ATP8A2: variants seen among roughly 807,000 people sequenced by gnomAD.
The protein encoded by ATP8A2 is ATPase phospholipid transporting 8A2.
ATP8A2 carries 100 observed loss-of-function variants against 165.6 expected under a neutral mutation model. The observed-to-expected ratio is 0.60, with a 90% CI of 0.51 to 0.71. The LOEUF (loss-of-function observed/expected upper bound fraction) is 0.71. Among genes scored for constraint, ATP8A2 ranks in the 30% least tolerant of loss-of-function variants. ATP8A2 has a pLI of 0.00. For missense variants in ATP8A2, 1,227 were observed against 1,479.5 expected, an observed-to-expected ratio of 0.83 and a Z score of 2.80; for synonymous variants, 543 against 548.8, an observed-to-expected ratio of 0.99 and a Z score of 0.15.
chr13:25,615,081 G>T (rs1433838554), intron 24 of ATP8A2, among the ~76,000 whole-genome samples: 1 of 152,194 alleles, frequency 6.6e-6, no homozygotes, highest in East Asian at 1.9e-4. Context: ...CAGGCAGTGG[G>T]CAGGGCCATA....
chr13:25,613,282 G>A (rs1412473457), intron 24 of ATP8A2, among the ~76,000 whole-genome samples: 3 of 152,112 alleles, frequency 2.0e-5, no homozygotes, highest in Non-Finnish European at 4.4e-5. Context: ...AAGATTTAGA[G>A]CTTCTTTTAG....
At chr13:25,434,592 G>T (rs187861922) in intron 1 of ATP8A2, among the ~76,000 whole-genome samples, 3 of 152,092 alleles carry the variant, frequency 2.0e-5, no homozygotes, top group East Asian at 3.9e-4. Context: ...CAAGTGATCC[G>T]CCTGCTTCGG....
At chr13:25,572,072 A>G (rs748244198) in intron 18 of ATP8A2, among the ~76,000 whole-genome samples, 1 of 152,148 alleles carries the variant, frequency 6.6e-6, no homozygotes, top group Non-Finnish European at 1.5e-5. Flanking sequence ...ATGAAGCCTC[A>G]CAGTCCACTG....
intron 27 of ATP8A2, among the ~76,000 whole-genome samples, chr13:25,822,655 G>T (rs1040059827): frequency 6.6e-6 from 1 of 151,930 alleles, no homozygotes; most frequent in Non-Finnish European, 1.5e-5. Context: ...GAAGAAATTG[G>T]GCCTTTGTTT....
At chr13:25,868,093 T>G (rs76950938) in intron 33 of ATP8A2, 5,470 of 456,338 alleles carry the variant, frequency 0.012, 78 homozygotes, top group South Asian at 0.028. Flanking sequence ...AATCCTCTCT[T>G]CACCCAAGTG....
At chr13:25,467,726 TA>T (rs2035709058) in intron 1 of ATP8A2, among the ~76,000 whole-genome samples, 1 of 151,994 alleles carries the variant, frequency 6.6e-6, no homozygotes, top group Non-Finnish European at 1.5e-5. Context: ...TAATTTTTTG[TA>T]TTTTTAGTAG....
chr13:25,514,714 C>A (rs2037408962), intron 2 of ATP8A2, among the ~76,000 whole-genome samples: 2 of 152,158 alleles, frequency 1.3e-5, no homozygotes, highest in Non-Finnish European at 2.9e-5. Flanking sequence ...GTGTGAGCTC[C>A]TCTGTGTATG....
At chr13:25,823,741 T>C (rs1951236865) in intron 27 of ATP8A2, among the ~76,000 whole-genome samples, 1 of 152,254 alleles carries the variant, frequency 6.6e-6, no homozygotes, top group African/African-American at 2.4e-5. Context: ...TTTCTGTGTC[T>C]GTTGCTTGTT....
intron 30 of ATP8A2, among the ~76,000 whole-genome samples, chr13:25,853,414 TATATATATAG>T (rs1443893710): frequency 2.8e-5 from 4 of 144,974 alleles, no homozygotes; most frequent in African/African-American, 1.0e-4. Flanking sequence ...TATATATGTA[TATATATATAG>T]AATTTCTTAT....
Position 25,798,284 on chromosome 13 carries a change from A to G in ATP8A2, c.2679+23325A>G, listed in dbSNP as rs184658445. ...ATATATAGAATGAGCAGTGATGCAT[A>G]TAACTGAAAATCCCTCAGGGAAGCA... On this transcript the variant is annotated intron_variant, in intron 27 of 36. Coordinates refer to ENST00000381655, the MANE Select transcript of ATP8A2 (RefSeq NM_016529.6). Among the ~76,000 whole-genome samples, 14 of 152,348 alleles carry G rather than the reference A, an allele frequency of 9.2e-5. No individual in the cohort carries two copies. The East Asian group carries it at 2.5e-3, about 27-fold the overall frequency.
intron 2 of ATP8A2, among the ~76,000 whole-genome samples, chr13:25,519,366 T>C (rs1255317563): frequency 1.3e-5 from 2 of 151,750 alleles, no homozygotes; most frequent in African/African-American, 2.4e-5. Flanking sequence ...TATGCTGTTA[T>C]GTGTTCTATT....
At chr13:25,685,166 C>T (rs1186984192) in intron 24 of ATP8A2, among the ~76,000 whole-genome samples, 1 of 152,166 alleles carries the variant, frequency 6.6e-6, no homozygotes, top group African/African-American at 2.4e-5. Flanking sequence ...GCCTTAGACA[C>T]AGCCCCTGCC....
At chr13:25,431,019 T>TACAC (rs1407054823) in intron 1 of ATP8A2, among the ~76,000 whole-genome samples, 17 of 151,256 alleles carry the variant, frequency 1.1e-4, no homozygotes, top group South Asian at 4.2e-4. Context: ...CACATATATA[T>TACAC]ACACACACAC....
At chr13:25,919,135 G>A (rs948991384) in intron 33 of ATP8A2, among the ~76,000 whole-genome samples, 13 of 152,180 alleles carry the variant, frequency 8.5e-5, no homozygotes, top group African/African-American at 3.1e-4. Flanking sequence ...CAGATATGAA[G>A]CTACCCATCC....
chr13:25,533,339 C>T (rs767465594), intron 6 of ATP8A2, 26 bp downstream of exon 6: 11 of 1,359,438 alleles, frequency 8.1e-6, no homozygotes, highest in East Asian at 2.3e-5. Flanking sequence ...AAAGATGTAC[C>T]AGTACTATTG....
chr13:25,844,821 A>G (rs1279003586), intron 30 of ATP8A2, among the ~76,000 whole-genome samples: 2 of 152,228 alleles, frequency 1.3e-5, no homozygotes, highest in Admixed American at 1.3e-4. Flanking sequence ...TCACAAAGAC[A>G]GGAGGTTTTA....
At chr13:25,828,030 G>A (rs1302856458) in intron 27 of ATP8A2, 88 bp from the exon 28 acceptor site, 1 of 990,074 alleles carries the variant, frequency 1.0e-6, no homozygotes, top group Non-Finnish European at 1.6e-6. Flanking sequence ...TGTCCAGCTG[G>A]TGGTCCACAT....
chr13:25,785,208 G>A (rs2044993841), intron 27 of ATP8A2, among the ~76,000 whole-genome samples: 1 of 151,546 alleles, frequency 6.6e-6, no homozygotes, highest in African/African-American at 2.4e-5. Flanking sequence ...AGACCAGCCT[G>A]GCCAACATGG....
At chr13:25,397,881 T>A (rs960485928) in intron 1 of ATP8A2, among the ~76,000 whole-genome samples, 3 of 152,186 alleles carry the variant, frequency 2.0e-5, no homozygotes, top group Admixed American at 2.0e-4. Context: ...ATTCAAAGAT[T>A]TCCTGATTGA....
Sources: gnomAD v4.1 joint callset for allele counts (sites outside exome capture counted in the v4.1 genomes callset) on GRCh38, gnomAD v4.1.1 for gene constraint, MANE v1.5 for transcripts, NCBI Gene and HGNC (gene_info 2026-07-23, HGNC 2026-07-21) for gene names.